TRDN: variants seen among roughly 807,000 people sequenced by gnomAD.
The protein encoded by TRDN is triadin in skeletal muscle.
TRDN carries 161 observed loss-of-function variants against 149.7 expected under a neutral mutation model. The ratio of observed to expected loss-of-function variants is 1.08; its 90% confidence interval spans 0.95 to 1.23. The LOEUF is 1.23. Ranked by LOEUF, TRDN falls within the 50% of genes most tolerant of loss-of-function variation. TRDN has a pLI of 0.00. For missense variants in TRDN, 896 were observed against 823.5 expected (o/e 1.09, Z -1.08); for synonymous variants, 294 against 250.5 (o/e 1.17, Z -1.64).
intron 38 of TRDN, among the ~76,000 whole-genome samples, chr6:123,228,894 T>A (rs1392051389): frequency 6.6e-6 from 1 of 151,864 alleles, no homozygotes; most frequent in East Asian, 1.9e-4. Context: ...GCTAAATGTG[T>A]CCCTCTGCAC....
At chr6:123,425,953 A>G (rs1774103762) in intron 12 of TRDN, among the ~76,000 whole-genome samples, 1 of 152,110 alleles carries the variant, frequency 6.6e-6, no homozygotes, top group Admixed American at 6.6e-5. Context: ...CATATGACAT[A>G]GCACATTTTA....
At chr6:123,443,601 G>A (rs12213555) in intron 10 of TRDN, among the ~76,000 whole-genome samples, 22,612 of 151,814 alleles carry the variant, frequency 0.15, 2,372 homozygotes, top group African/African-American at 0.3. Flanking sequence ...GACCATCCTG[G>A]CTAACAAGGG....
rs576956077 is a variant in TRDN, at chr6:123,593,452, C to G, written c.23-22320G>C. ...TGCTAGGGCTGACATAACAACATAC[C>G]ACAAACTGGGTGACTTACACACAAC... On this transcript the variant is annotated intron_variant, in intron 1 of 40. Coordinates refer to ENST00000334268, the MANE Select transcript of TRDN (RefSeq NM_006073.4). Among the ~76,000 whole-genome samples the G allele has an allele frequency of 1.1e-4, 16 of 152,310 alleles. No homozygotes were observed. In the South Asian group the frequency reaches 1.7e-3, roughly 16 times the overall value.
intron 5 of TRDN, among the ~76,000 whole-genome samples, chr6:123,521,718 G>C (rs1258608036): frequency 6.6e-6 from 1 of 152,068 alleles, no homozygotes; most frequent in African/African-American, 2.4e-5. Context: ...CTTAGCTTTT[G>C]TGTCTTCCCT....
At chr6:123,248,029 G>C (rs1048014228) in intron 38 of TRDN, among the ~76,000 whole-genome samples, 1 of 152,082 alleles carries the variant, frequency 6.6e-6, no homozygotes. Context: ...ATAGTGTTGG[G>C]AAAACTGGCT....
At chr6:123,599,530 A>G (rs553218077) in intron 1 of TRDN, among the ~76,000 whole-genome samples, 2 of 152,204 alleles carry the variant, frequency 1.3e-5, no homozygotes, top group East Asian at 3.9e-4. Flanking sequence ...TGCATTCACT[A>G]CCAATTGCAA....
chr6:123,218,546 C>A lies in TRDN; in HGVS notation c.*55G>T. ...TCTTAATTGCCTGAACTACTGTGGA[C>A]AAAACATCACATTTTTAAAATCTTA... is the stretch of plus-strand genomic sequence containing the variant. On this transcript the variant is annotated 3_prime_UTR_variant, in exon 41 of 41. Coordinates refer to ENST00000334268, the MANE Select transcript of TRDN (RefSeq NM_006073.4). 1 of 1,560,390 alleles carries A rather than the reference C, an allele frequency of 6.4e-7. No homozygotes were observed. The highest frequency in any genetic ancestry group is 8.7e-7 in the Non-Finnish European group (1 of 1,154,086).
intron 5 of TRDN, among the ~76,000 whole-genome samples, chr6:123,524,672 T>C (rs376810607): frequency 2.0e-4 from 30 of 152,122 alleles, no homozygotes; most frequent in Non-Finnish European, 4.0e-4. Context: ...ACAAAAGAAC[T>C]CATCTTGCTG....
At chr6:123,404,592 G>A (rs1427973887) in intron 12 of TRDN, among the ~76,000 whole-genome samples, 3 of 152,034 alleles carry the variant, frequency 2.0e-5, no homozygotes, top group Non-Finnish European at 4.4e-5. Context: ...GGGATTACAG[G>A]CGTGCACCAC....
At chr6:123,352,489 T>A in intron 21 of TRDN, 50 bp downstream of exon 21, 2 of 1,604,766 alleles carry the variant, frequency 1.2e-6, no homozygotes, top group Non-Finnish European at 1.7e-6. Flanking sequence ...CCTCCGCATG[T>A]TGTTGTCTTT....
intron 9 of TRDN, among the ~76,000 whole-genome samples, chr6:123,494,384 G>A (rs1229659211): frequency 2.0e-5 from 3 of 152,026 alleles, no homozygotes; most frequent in Non-Finnish European, 2.9e-5. Flanking sequence ...TTGGTATTGC[G>A]ACTATTAAAC....
At chr6:123,373,032 T>C (rs761465170) in intron 19 of TRDN, among the ~76,000 whole-genome samples, 1 of 152,136 alleles carries the variant, frequency 6.6e-6, no homozygotes, top group Non-Finnish European at 1.5e-5. Flanking sequence ...TAACTTTCGA[T>C]GTGGAAGCAT....
chr6:123,563,883 G>T (rs1017044474), intron 2 of TRDN, among the ~76,000 whole-genome samples: 2 of 152,210 alleles, frequency 1.3e-5, no homozygotes, highest in Non-Finnish European at 2.9e-5. Flanking sequence ...GCTCAACTCA[G>T]TACAACATCC....
At chr6:123,495,539 A>G (rs1778412024) in intron 9 of TRDN, among the ~76,000 whole-genome samples, 1 of 151,880 alleles carries the variant, frequency 6.6e-6, no homozygotes, top group Non-Finnish European at 1.5e-5. Flanking sequence ...AAAAAAAATA[A>G]AAAATTTGTA....
intron 20 of TRDN, among the ~76,000 whole-genome samples, chr6:123,357,531 A>G (rs545023341): frequency 1.6e-4 from 25 of 152,218 alleles, no homozygotes; most frequent in Admixed American, 3.3e-4. Context: ...AATTAGAGCT[A>G]CACTTTACAA....
intron 1 of TRDN, among the ~76,000 whole-genome samples, chr6:123,575,202 C>T (rs886602002): frequency 3.3e-5 from 5 of 151,864 alleles, no homozygotes; most frequent in African/African-American, 1.2e-4. Flanking sequence ...AACCCCAAAG[C>T]TATAAGCAAT....
intron 24 of TRDN, among the ~76,000 whole-genome samples, chr6:123,315,315 T>A (rs1778984012): frequency 6.6e-6 from 1 of 151,976 alleles, no homozygotes; most frequent in Non-Finnish European, 1.5e-5. Flanking sequence ...ATCTCTATTA[T>A]GCTTTTTTTC....
At position 123,524,429 on chromosome 6, in the gene TRDN, A is replaced by G. The variant is rs147274729; in HGVS notation, c.484+6077T>C. Among the ~76,000 whole-genome samples, 155 of 152,292 alleles carry G rather than the reference A, an allele frequency of 1.0e-3. No homozygotes were observed. In the East Asian group the frequency reaches 0.022, roughly 22 times the overall value. On this transcript the variant is annotated intron_variant, in intron 5 of 40. Transcript: ENST00000334268. ...TAGTTGATGGCTTAAATAGAATGCTAAGGGATTATCCAATTAAGAAAATAC... is the reference window on the plus strand; with the variant it reads ...TAGTTGATGGCTTAAATAGAATGCTGAGGGATTATCCAATTAAGAAAATAC...
chr6:123,524,367 A>C (rs958045534), intron 5 of TRDN, among the ~76,000 whole-genome samples: 3 of 141,766 alleles, frequency 2.1e-5, no homozygotes, highest in African/African-American at 7.6e-5. Flanking sequence ...CAGCCTTTTC[A>C]AATATCAAAA....
Sources: gnomAD v4.1 joint callset for allele counts (sites outside exome capture counted in the v4.1 genomes callset) on GRCh38, gnomAD v4.1.1 for gene constraint, MANE v1.5 for transcripts, NCBI Gene and HGNC (gene_info 2026-07-23, HGNC 2026-07-21) for gene names.